The following MYO1E variants were observed in gnomAD, a reference collection of about 807,000 sequenced individuals.
The protein encoded by MYO1E is myosin IE.
A neutral mutation model predicts 151.1 loss-of-function variants in MYO1E; 68 were observed. That is an observed-to-expected ratio of 0.45 (90% CI 0.37 to 0.55). The LOEUF (loss-of-function observed/expected upper bound fraction) is 0.55. Among genes scored for constraint, MYO1E ranks in the 20% least tolerant of loss-of-function variants. The pLI, the probability that MYO1E is intolerant of heterozygous loss-of-function variation, is 0.00. For synonymous variants in MYO1E, 601 were observed against 501.7 expected, an observed-to-expected ratio of 1.20 and a Z score of -2.64; for missense variants, 1,363 against 1,389.3, an observed-to-expected ratio of 0.98 and a Z score of 0.30.
chr15:59,173,146 G>A (rs1466588394), intron 21 of MYO1E, among the ~76,000 whole-genome samples: 1 of 152,156 alleles, frequency 6.6e-6, no homozygotes, highest in African/African-American at 2.4e-5. Flanking sequence ...CAGCCACTCT[G>A]GGAAAATGGA....
chr15:59,296,839 CTTTTTTTTTT>C (rs10717328), intron 1 of MYO1E, among the ~76,000 whole-genome samples: 2 of 125,532 alleles, frequency 1.6e-5, no homozygotes, highest in Non-Finnish European at 3.3e-5. Context: ...ATACTTTTTT[CTTTTTTTTTT>C]TTTTTTTTGA....
chr15:59,293,211 C>T (rs1005532713), intron 1 of MYO1E, among the ~76,000 whole-genome samples: 2 of 152,146 alleles, frequency 1.3e-5, no homozygotes, highest in Admixed American at 1.3e-4. Context: ...GAATGAAACC[C>T]CCTCCCAGTT....
intron 1 of MYO1E, among the ~76,000 whole-genome samples, chr15:59,319,495 A>G (rs2080611005): frequency 6.7e-6 from 1 of 149,430 alleles, no homozygotes; most frequent in African/African-American, 2.5e-5. Flanking sequence ...AGCCAGAGCT[A>G]TCAGGCAAGA....
intron 26 of MYO1E, among the ~76,000 whole-genome samples, chr15:59,149,002 G>C (rs2079458187): frequency 6.6e-6 from 1 of 151,470 alleles, no homozygotes. Flanking sequence ...AAGCACACTG[G>C]ATAGTGAGAT....
At chr15:59,138,815 T>C (rs780667037) in intron 26 of MYO1E, among the ~76,000 whole-genome samples, 2 of 152,126 alleles carry the variant, frequency 1.3e-5, no homozygotes, top group South Asian at 2.1e-4. Flanking sequence ...GTATTAACCA[T>C]TCTCTGGCTC....
At chr15:59,149,168 C>T (rs547919290) in intron 26 of MYO1E, among the ~76,000 whole-genome samples, 44 of 151,592 alleles carry the variant, frequency 2.9e-4, no homozygotes, top group Admixed American at 2.7e-3. Context: ...GCCATTCTCC[C>T]GCCTCAGCCT....
At chr15:59,255,689 T>C (rs2080190212) in intron 4 of MYO1E, among the ~76,000 whole-genome samples, 2 of 152,168 alleles carry the variant, frequency 1.3e-5, no homozygotes, top group African/African-American at 4.8e-5. Context: ...ACACAAACGA[T>C]AGCTGAAGAG....
chr15:59,223,314 A>AG, intron 8 of MYO1E, 123 bp from the exon 9 acceptor site: 7 of 1,043,356 alleles, frequency 6.7e-6, no homozygotes, highest in Non-Finnish European at 8.0e-6. Flanking sequence ...CGAGTTACAA[A>AG]GAAAAAAAAA....
chr15:59,188,058 G>C, intron 18 of MYO1E, 60 bp downstream of exon 18: 3 of 1,281,798 alleles, frequency 2.3e-6, no homozygotes, highest in South Asian at 1.2e-5. Flanking sequence ...GAATTGTATA[G>C]ATTTGAATTA....
intron 2 of MYO1E, among the ~76,000 whole-genome samples, chr15:59,261,758 C>T (rs1391290538): frequency 6.6e-6 from 1 of 152,048 alleles, no homozygotes; most frequent in Non-Finnish European, 1.5e-5. Flanking sequence ...TGAACTAAAG[C>T]ACATTCTTTC....
chr15:59,218,022 G>A lies in MYO1E; in HGVS notation c.976C>T (p.Arg326Trp), dbSNP rs150397493. 932 of 1,614,170 alleles carry A rather than the reference G, an allele frequency of 5.8e-4. 2 individuals are homozygous for A. Among genetic ancestry groups the A allele is most frequent in the Middle Eastern group, 1.5e-3 (9 of 6,062 alleles). The part of the protein sequence containing the change: ...QDRLKEKLTS[R>W]QMDSKWGGKS... Reference sequence around the variant, plus strand: ...CCTCCCCACTTGCTATCCATCTGCCGGCTTGTTAGCTTTTCTTTCAACCGG... The same window carrying A: ...CCTCCCCACTTGCTATCCATCTGCCAGCTTGTTAGCTTTTCTTTCAACCGG... Residue 326 changes from arginine to tryptophan, a missense_variant, in exon 10 of 28, where the codon CGG becomes TGG. Transcript: ENST00000288235.
rs775425957 is a variant in MYO1E, at chr15:59,174,024, C to T, written c.2164+102G>A. On this transcript the variant is annotated intron_variant, in intron 20 of 27. Transcript: ENST00000288235. The stretch of plus-strand genomic sequence containing the variant: ...ACTCTAAATGATGCAATATTTTTAG[C>T]GTGACATTATATGCAAAATAAAATG... 8.7e-6 allele frequency: 13 copies of T among 1,489,188 alleles called. No individual in the cohort carries two copies. The Middle Eastern group carries it at 7.0e-4, about 80-fold the overall frequency. The allele number at this position is 1,489,188 out of a possible 1,614,324, so 92.2% of individuals were successfully genotyped here.
intron 1 of MYO1E, among the ~76,000 whole-genome samples, chr15:59,318,500 C>T (rs903142308): frequency 2.6e-5 from 4 of 152,142 alleles, no homozygotes; most frequent in Non-Finnish European, 5.9e-5. Flanking sequence ...GACTTGATAA[C>T]TGATCAGACA....
chr15:59,192,494 G>C (rs1412404101), intron 17 of MYO1E, among the ~76,000 whole-genome samples: 1 of 152,166 alleles, frequency 6.6e-6, no homozygotes, highest in Non-Finnish European at 1.5e-5. Flanking sequence ...GGGGCTTTCA[G>C]TAGAACTATC....
At chr15:59,156,125 T>A (rs1233079619) in intron 25 of MYO1E, among the ~76,000 whole-genome samples, 1 of 152,164 alleles carries the variant, frequency 6.6e-6, no homozygotes, top group African/African-American at 2.4e-5. Flanking sequence ...GCCTCCTGAG[T>A]AGCTGGGATT....
chr15:59,372,003 C>G (rs1448845868), intron 1 of MYO1E, among the ~76,000 whole-genome samples: 3 of 149,860 alleles, frequency 2.0e-5, no homozygotes, highest in African/African-American at 7.3e-5. Flanking sequence ...CAGCTGCGGG[C>G]GCTGCCGGGC....
intron 18 of MYO1E, among the ~76,000 whole-genome samples, chr15:59,185,269 T>C (rs2079688787): frequency 6.6e-6 from 1 of 152,064 alleles, no homozygotes. Flanking sequence ...TCCTTTGCTG[T>C]GTGGAATTTT....
At chr15:59,296,742 T>G (rs1402796319) in intron 1 of MYO1E, among the ~76,000 whole-genome samples, 2 of 152,114 alleles carry the variant, frequency 1.3e-5, no homozygotes, top group Non-Finnish European at 2.9e-5. Context: ...GTTTTGTGTT[T>G]GAGTGCAGGA....
intron 25 of MYO1E, among the ~76,000 whole-genome samples, chr15:59,156,295 G>C (rs1015471576): frequency 1.3e-5 from 2 of 152,072 alleles, no homozygotes; most frequent in Non-Finnish European, 2.9e-5. Flanking sequence ...AGCAATTCTC[G>C]TGCCTCATCC....
Sources: allele counts gnomAD v4.1 joint callset (sites outside exome capture counted in the v4.1 genomes callset), GRCh38; gene constraint gnomAD v4.1.1; transcripts MANE v1.5; gene names NCBI Gene and HGNC (gene_info 2026-07-23, HGNC 2026-07-21).